Variants in CTNNA3 observed in about 807,000 individuals in gnomAD.
The protein encoded by CTNNA3 is catenin alpha 3.
Under a neutral mutation model 95.7 loss-of-function variants are expected in CTNNA3, and 76 were observed. That is an observed-to-expected ratio of 0.79 (90% CI 0.66 to 0.96). CTNNA3 has a LOEUF of 0.96. CTNNA3 is among the 40% of genes least tolerant of loss of function. The pLI, the probability that CTNNA3 is intolerant of heterozygous loss-of-function variation, is 0.00. For synonymous variants in CTNNA3, 431 were observed against 374.4 expected (o/e 1.15, Z -1.74); for missense variants, 1,191 against 1,089.8 (o/e 1.09, Z -1.31).
intron 7 of CTNNA3, among the ~76,000 whole-genome samples, chr10:66,788,749 G>A (rs1840848711): frequency 6.6e-6 from 1 of 152,080 alleles, no homozygotes; most frequent in Admixed American, 6.6e-5. Context: ...AGAAATACAA[G>A]TACTGCATTG....
chr10:66,052,806 T>C (rs986937601), intron 15 of CTNNA3, among the ~76,000 whole-genome samples: 7 of 152,078 alleles, frequency 4.6e-5, no homozygotes, highest in African/African-American at 1.7e-4. Flanking sequence ...AAAGCATTCT[T>C]TCTGAATAAG....
intron 9 of CTNNA3, among the ~76,000 whole-genome samples, chr10:66,655,394 T>A (rs1846041045): frequency 1.3e-5 from 2 of 152,078 alleles, no homozygotes. Flanking sequence ...GTGAACATTT[T>A]ACTTCTGATG....
At chr10:67,636,460 A>T (rs1839315777) in intron 2 of CTNNA3, among the ~76,000 whole-genome samples, 2 of 152,234 alleles carry the variant, frequency 1.3e-5, no homozygotes, top group Admixed American at 6.5e-5. Flanking sequence ...TGGTACTGGT[A>T]TAAAAACAGA....
intron 7 of CTNNA3, among the ~76,000 whole-genome samples, chr10:67,151,858 CTTG>C (rs1861101328): frequency 6.6e-6 from 1 of 152,196 alleles, no homozygotes; most frequent in Non-Finnish European, 1.5e-5. Flanking sequence ...ATTAAAAACT[CTTG>C]TTCTTATAGG....
At chr10:66,870,791 G>A (rs1263681650) in intron 7 of CTNNA3, among the ~76,000 whole-genome samples, 2 of 152,038 alleles carry the variant, frequency 1.3e-5, no homozygotes, top group African/African-American at 2.4e-5. Context: ...TTCCTTTGCT[G>A]CACATTTGTT....
intron 2 of CTNNA3, among the ~76,000 whole-genome samples, chr10:67,633,760 C>G: frequency 6.6e-6 from 1 of 152,002 alleles, no homozygotes; most frequent in Non-Finnish European, 1.5e-5. Context: ...TGAAATAGAG[C>G]AGGAAGACAA....
At chr10:66,295,578 A>G (rs1235589473) in intron 12 of CTNNA3, among the ~76,000 whole-genome samples, 2 of 152,168 alleles carry the variant, frequency 1.3e-5, no homozygotes, top group Non-Finnish European at 2.9e-5. Flanking sequence ...GTGTCAGTTT[A>G]TAAAGCCAAG....
At chr10:66,796,057 G>T (rs956497747) in intron 7 of CTNNA3, among the ~76,000 whole-genome samples, 7 of 152,070 alleles carry the variant, frequency 4.6e-5, no homozygotes, top group African/African-American at 1.7e-4. Flanking sequence ...AGGTTGTTTT[G>T]CTTTCTCATC....
At chr10:66,214,377 C>A (rs1272162482) in intron 13 of CTNNA3, among the ~76,000 whole-genome samples, 1 of 152,060 alleles carries the variant, frequency 6.6e-6, no homozygotes, top group Non-Finnish European at 1.5e-5. Flanking sequence ...ACAAGACAGA[C>A]AATAAGGACA....
At chr10:67,556,376 T>A (rs1240128341) in intron 3 of CTNNA3, among the ~76,000 whole-genome samples, 1 of 152,222 alleles carries the variant, frequency 6.6e-6, no homozygotes, top group Non-Finnish European at 1.5e-5. Context: ...TGTGAATCCA[T>A]CTGGTCCTGG....
intron 11 of CTNNA3, among the ~76,000 whole-genome samples, chr10:66,451,986 C>T (rs2093467591): frequency 6.6e-6 from 1 of 152,076 alleles, no homozygotes; most frequent in Non-Finnish European, 1.5e-5. Flanking sequence ...TCATTTTCCC[C>T]AGCACTTTCT....
At chr10:66,729,086 T>C (rs141204363) in intron 9 of CTNNA3, among the ~76,000 whole-genome samples, 2 of 152,208 alleles carry the variant, frequency 1.3e-5, no homozygotes, top group East Asian at 1.9e-4. Context: ...TTCTGAGTTA[T>C]CTATTCTGTT....
At chr10:67,742,870 A>G (rs981630750) in intron 1 of CTNNA3, among the ~76,000 whole-genome samples, 4 of 151,366 alleles carry the variant, frequency 2.6e-5, no homozygotes, top group African/African-American at 9.7e-5. Context: ...AATACTATAA[A>G]CACCTCTACA....
At chr10:66,159,626 G>GTTTTTTTTTTTTTTTT (rs34684370) in intron 13 of CTNNA3, among the ~76,000 whole-genome samples, 5 of 114,930 alleles carry the variant, frequency 4.4e-5, no homozygotes, top group Non-Finnish European at 7.2e-5. Flanking sequence ...TTTGTTTTCT[G>GTTTTTTTTTTTTTTTT]TTTTTTTTTT....
chr10:66,146,592 C>A (rs546521444), intron 13 of CTNNA3, among the ~76,000 whole-genome samples: 1 of 152,106 alleles, frequency 6.6e-6, no homozygotes, highest in South Asian at 2.1e-4. Flanking sequence ...GTTTCACTCT[C>A]GTAACTCAGG....
chr10:67,506,604 T>A (rs923299801), intron 5 of CTNNA3, among the ~76,000 whole-genome samples: 2 of 152,186 alleles, frequency 1.3e-5, no homozygotes. Context: ...CAGCTAGGCA[T>A]CCTCAACATT....
At chr10:66,897,492 G>A (rs928040316) in intron 7 of CTNNA3, among the ~76,000 whole-genome samples, 2 of 151,970 alleles carry the variant, frequency 1.3e-5, no homozygotes, top group Non-Finnish European at 2.9e-5. Context: ...TTTAAAAAGG[G>A]AATATAACTG....
intron 7 of CTNNA3, among the ~76,000 whole-genome samples, chr10:66,943,473 C>G (rs965906221): frequency 6.6e-6 from 1 of 150,678 alleles, no homozygotes; most frequent in Non-Finnish European, 1.5e-5. Context: ...TCCTGAAATC[C>G]TGGGAAGCCT....
intron 11 of CTNNA3, among the ~76,000 whole-genome samples, chr10:66,398,282 A>C (rs927349250): frequency 1.3e-5 from 2 of 151,910 alleles, no homozygotes; most frequent in Non-Finnish European, 2.9e-5. Context: ...CTTCCCTGTT[A>C]AAGATAGGAA....
Sources: allele counts gnomAD v4.1 joint callset (sites outside exome capture counted in the v4.1 genomes callset), GRCh38; gene constraint gnomAD v4.1.1; transcripts MANE v1.5; gene names NCBI Gene and HGNC (gene_info 2026-07-23, HGNC 2026-07-21).